Variants in NDE1 observed in about 807,000 individuals in gnomAD.
NDE1 encodes nudE neurodevelopment protein 1, also known as nuclear distribution protein nudE homolog 1.
NDE1 carries 28 observed loss-of-function variants against 43.4 expected under a neutral mutation model. That is an observed-to-expected ratio of 0.65 (90% CI 0.48 to 0.89). The LOEUF (loss-of-function observed/expected upper bound fraction) is 0.89, where lower values mean the gene tolerates loss of function less well. NDE1 is among the 40% of genes least tolerant of loss of function. The probability of loss-of-function intolerance (pLI) is 0.00; values close to 1 mark genes in which losing one functional copy is unlikely to be tolerated. For synonymous variants in NDE1, 184 were observed against 172.0 expected, an observed-to-expected ratio of 1.07 and a Z score of -0.55; for missense variants, 441 against 434.1, an observed-to-expected ratio of 1.02 and a Z score of -0.14.
intron 8 of NDE1, among the ~76,000 whole-genome samples, chr16:15,699,442 T>G (rs1290751476): frequency 3.3e-5 from 5 of 152,120 alleles, no homozygotes; most frequent in Non-Finnish European, 7.4e-5. Flanking sequence ...GTTTGCATTT[T>G]TCATAGAGAC....
At chr16:15,695,283 G>A (rs1373972498) in intron 7 of NDE1, among the ~76,000 whole-genome samples, 1 of 145,906 alleles carries the variant, frequency 6.9e-6, no homozygotes, top group African/African-American at 2.6e-5. Context: ...CGAGATGGGT[G>A]GATCACCTGA....
In NDE1 at chr16:15,725,037, A is replaced by G. The variant is rs573406493; in HGVS notation, c.*786A>G. ...GGTTAGTCAAAGCCTCTAGAAGGGGATCCTCGTTGAAAGGAGCCCTTTTTA... is the reference window on the plus strand; with the variant it reads ...GGTTAGTCAAAGCCTCTAGAAGGGGGTCCTCGTTGAAAGGAGCCCTTTTTA... On this transcript the variant is annotated 3_prime_UTR_variant, in exon 9 of 9. Transcript: ENST00000396354. The G allele has an allele frequency of 2.6e-6, 4 of 1,548,390 alleles. No individual in the cohort carries two copies. Among genetic ancestry groups the G allele is most frequent in the Non-Finnish European group, 3.5e-6 (4 of 1,126,920 alleles).
At chr16:15,665,059 C>T (rs1208381735) in intron 2 of NDE1, among the ~76,000 whole-genome samples, 198 bp downstream of exon 2, 7 of 141,920 alleles carry the variant, frequency 4.9e-5, no homozygotes, top group South Asian at 2.3e-4. Context: ...TCAGGCCAGG[C>T]TTTTTTTTTT....
At chr16:15,685,953 A>ATTT (rs112767652) in intron 4 of NDE1, among the ~76,000 whole-genome samples, 1 of 138,368 alleles carries the variant, frequency 7.2e-6, no homozygotes, top group African/African-American at 2.6e-5. Flanking sequence ...TTCCTGTAGG[A>ATTT]TTTTTTTTTT....
intron 8 of NDE1, among the ~76,000 whole-genome samples, chr16:15,708,634 C>A (rs375112323): frequency 6.6e-6 from 1 of 152,184 alleles, no homozygotes; most frequent in African/African-American, 2.4e-5. Flanking sequence ...TCATCCTGAT[C>A]TTGGTTTCAA....
At chr16:15,719,168 C>T in intron 8 of NDE1, 1 of 1,534,056 alleles carries the variant, frequency 6.5e-7, no homozygotes, top group Non-Finnish European at 9.0e-7. Context: ...AGGATGCTGC[C>T]TGTCCCCCCA....
At chr16:15,648,050 C>T (rs1352540633), upstream of NDE1, among the ~76,000 whole-genome samples, 2 of 144,564 alleles carry the variant, frequency 1.4e-5, no homozygotes, top group African/African-American at 5.1e-5. Context: ...AAAAAAAAAG[C>T]TGGATAATAA....
In NDE1 at chr16:15,724,707, C is replaced by T; in HGVS notation, c.*456C>T. ...TCTGCTTGGCCTCCATCTCCTCGTC[C>T]AGCTGGTCTTGCAGGCTGTTCCGCT... On this transcript the variant is annotated 3_prime_UTR_variant, in exon 9 of 9. Transcript: ENST00000396354. The T allele has an allele frequency of 6.2e-7, 1 of 1,614,166 alleles. No homozygotes were observed. Among genetic ancestry groups the T allele is most frequent in the Non-Finnish European group, 8.5e-7 (1 of 1,180,022 alleles).
At chr16:15,654,598 G>A (rs1331918399) in intron 1 of NDE1, among the ~76,000 whole-genome samples, 4 of 65,206 alleles carry the variant, frequency 6.1e-5, no homozygotes, top group Admixed American at 5.4e-4. Flanking sequence ...AAGAGATTCC[G>A]ACTCAAAAAA....
chr16:15,686,577 C>G (rs756157588), intron 4 of NDE1: 12 of 979,688 alleles, frequency 1.2e-5, no homozygotes, highest in Non-Finnish European at 1.5e-5. Context: ...ACTCAGGAGG[C>G]TGAGGCGGGA....
At chr16:15,675,153 G>A (rs1041080888) in intron 3 of NDE1, among the ~76,000 whole-genome samples, 1 of 152,044 alleles carries the variant, frequency 6.6e-6, no homozygotes, top group Admixed American at 6.6e-5. Context: ...AGGCACTTAG[G>A]ACATAATTGA....
At position 15,696,836 on chromosome 16, in the gene NDE1, C is replaced by T. The variant is rs748157541; in HGVS notation, c.923C>T (p.Thr308Ile). The T allele has an allele frequency of 3.1e-6, 5 of 1,614,178 alleles. No individual in the cohort carries two copies. Among genetic ancestry groups the T allele is most frequent in the Non-Finnish European group, 4.2e-6 (5 of 1,180,026 alleles). ...GGCGGGGAGAGACGGCCAAGCAGCA[C>T]CAGCGTGCCTTTGGGTGATAAGGGG... ...RDGGERRPSSTSVPLGDKGLD... is the reference protein window; with the variant it reads ...RDGGERRPSSISVPLGDKGLD... Residue 308 changes from threonine (T) to isoleucine (I), a missense_variant, in exon 8 of 9, where the codon ACC becomes ATC. Transcript: ENST00000396354.
chr16:15,664,607 A>G (rs537658240), intron 1 of NDE1, 129 bp from the exon 2 acceptor site: 49 of 633,514 alleles, frequency 7.7e-5, no homozygotes, highest in Non-Finnish European at 6.4e-5. Context: ...CGCCCGCCTC[A>G]GCCTCCCAAA....
chr16:15,644,262 A>C (rs963755754), intron 1 of NDE1, among the ~76,000 whole-genome samples: 5 of 152,224 alleles, frequency 3.3e-5, no homozygotes, highest in African/African-American at 1.2e-4. Flanking sequence ...CCAAACGAGA[A>C]TATTTTGCCC....
chr16:15,711,145 T>C lies in NDE1; in HGVS notation c.948-13046T>C, dbSNP rs530345504. 9 of 152,406 alleles carry C rather than the reference T, an allele frequency of 5.9e-5. No individual in the cohort carries two copies. The East Asian group carries it at 1.7e-3, about 29-fold the overall frequency. 9.4% of individuals were successfully genotyped at this position (152,406 alleles called of 1,614,324 possible). On this transcript the variant is annotated intron_variant, in intron 8 of 8. Transcript: ENST00000396354. The stretch of plus-strand genomic sequence containing the variant: ...CGAGTGGGGCTTTTCCCTGAAGGCT[T>C]GGTGCCCTGCGCCAGCTGCTCTCTT...
Position 15,664,657 on chromosome 16 carries a change from G to T in NDE1, c.-43-79G>T. On this transcript the variant is annotated intron_variant, in intron 1 of 8. Coordinates refer to ENST00000396354, the MANE Select transcript of NDE1 (RefSeq NM_017668.3). ...GGCGTGAGCCACCGCGCCTGGCCAAGTTTTTTTTTTTTTTTCTGTTAAAGG... is the reference window on the plus strand; with the variant it reads ...GGCGTGAGCCACCGCGCCTGGCCAATTTTTTTTTTTTTTTTCTGTTAAAGG... 3 of 725,834 alleles carry T rather than the reference G, an allele frequency of 4.1e-6. No individual in the cohort carries two copies. The South Asian group carries it at 4.8e-5, about 12-fold the overall frequency. The allele number at this position is 725,834 out of a possible 1,614,324, so 45.0% of individuals were successfully genotyped here. A position where few individuals can be genotyped will look rare whatever the true frequency, so the allele number is the denominator to read the frequency against.
intron 7 of NDE1, 88 bp downstream of exon 7, chr16:15,694,344 T>C: frequency 1.3e-6 from 2 of 1,552,186 alleles, no homozygotes; most frequent in Non-Finnish European, 8.7e-7. Context: ...TTCCCTCTCT[T>C]CTTTTTTTCT....
intron 3 of NDE1, among the ~76,000 whole-genome samples, chr16:15,676,821 G>A (rs1567637961): frequency 6.6e-6 from 1 of 152,114 alleles, no homozygotes; most frequent in Non-Finnish European, 1.5e-5. Context: ...GAGCCACCAT[G>A]CCCTGCTAGT....
intron 8 of NDE1, 121 bp downstream of exon 8, chr16:15,696,981 C>T (rs941776521): frequency 2.5e-5 from 39 of 1,540,970 alleles, no homozygotes; most frequent in Non-Finnish European, 3.1e-5. Flanking sequence ...TTCAGCAAAC[C>T]TTATCCTCTC....
Sources: allele counts gnomAD v4.1 joint callset (sites outside exome capture counted in the v4.1 genomes callset), GRCh38; gene constraint gnomAD v4.1.1; transcripts MANE v1.5; gene names NCBI Gene and HGNC (gene_info 2026-07-23, HGNC 2026-07-21).